The following EMCN variants were observed in gnomAD, a reference collection of about 807,000 sequenced individuals.
EMCN encodes the protein MUC-14.
Under a neutral mutation model 38.4 loss-of-function variants are expected in EMCN, and 37 were observed. That is an observed-to-expected ratio of 0.96 (90% CI 0.74 to 1.27). The LOEUF is 1.27. Among genes scored for constraint, EMCN ranks in the 50% most tolerant of loss-of-function variants. The pLI, the probability that EMCN is intolerant of heterozygous loss-of-function variation, is 0.00. For synonymous variants in EMCN, 95 were observed against 100.8 expected (o/e 0.94, Z 0.35); for missense variants, 318 against 302.8 (o/e 1.05, Z -0.37).
chr4:100,435,779 AG>A (rs1727335750), intron 5 of EMCN, among the ~76,000 whole-genome samples: 1 of 152,346 alleles, frequency 6.6e-6, no homozygotes, highest in African/African-American at 2.4e-5. Flanking sequence ...CAATGGGGAA[AG>A]GATTTTCTAT....
chr4:100,463,785 TATA>T (rs1367634734), intron 4 of EMCN, among the ~76,000 whole-genome samples: 2 of 152,144 alleles, frequency 1.3e-5, no homozygotes, highest in Non-Finnish European at 2.9e-5. Context: ...TTTCATTGAG[TATA>T]ATGTTTTTGA....
At chr4:100,511,321 GC>G (rs1454792698) in intron 1 of EMCN, among the ~76,000 whole-genome samples, 1 of 152,092 alleles carries the variant, frequency 6.6e-6, no homozygotes, top group Non-Finnish European at 1.5e-5. Context: ...AAAGTGCCTG[GC>G]ACAATAAATG....
rs76054431 is a variant in EMCN, at chr4:100,507,675, C to A, written c.64+10176G>T. On this transcript the variant is annotated intron_variant, in intron 1 of 11. Coordinates refer to ENST00000296420, the MANE Select transcript of EMCN (RefSeq NM_016242.4). ...CCATCTCCTCTTCCCAGCTTCCCAG[C>A]TGTCTTAGACAGTTTCTGTCTTTCT... Among the ~76,000 whole-genome samples the A allele has an allele frequency of 2.9e-3, 445 of 152,290 alleles. 5 individuals are homozygous for A. The highest frequency in any genetic ancestry group is 0.01 in the African/African-American group (427 of 41,558).
intron 5 of EMCN, among the ~76,000 whole-genome samples, chr4:100,424,302 C>T (rs1006101115): frequency 2.0e-5 from 3 of 152,018 alleles, no homozygotes; most frequent in African/African-American, 7.2e-5. Flanking sequence ...TAAATCATGC[C>T]TGTTTGCCTT....
intron 3 of EMCN, 100 bp downstream of exon 3, chr4:100,474,938 A>T (rs999393202): frequency 2.4e-5 from 12 of 497,114 alleles, no homozygotes; most frequent in African/African-American, 2.4e-4. Flanking sequence ...ATCTTGTTAA[A>T]ATACTAAAAA....
At chr4:100,500,984 T>C (rs1281186068) in intron 1 of EMCN, among the ~76,000 whole-genome samples, 1 of 152,080 alleles carries the variant, frequency 6.6e-6, no homozygotes, top group East Asian at 1.9e-4. Flanking sequence ...GTCAGTTATA[T>C]ATACACAGCA....
chr4:100,487,600 G>C (rs1728973844), intron 1 of EMCN, among the ~76,000 whole-genome samples: 2 of 152,216 alleles, frequency 1.3e-5, no homozygotes, highest in African/African-American at 4.8e-5. Context: ...GATGGAGATA[G>C]CTGAATCATG....
At chr4:100,464,653 T>A (rs1430112599) in intron 4 of EMCN, among the ~76,000 whole-genome samples, 1 of 152,118 alleles carries the variant, frequency 6.6e-6, no homozygotes, top group Non-Finnish European at 1.5e-5. Context: ...ATTTTACTAA[T>A]ATGTTGTATT....
At chr4:100,414,739 AT>A (rs1726665887) in intron 10 of EMCN, among the ~76,000 whole-genome samples, 1 of 152,080 alleles carries the variant, frequency 6.6e-6, no homozygotes, top group Non-Finnish European at 1.5e-5. Flanking sequence ...AGCCTTTAAT[AT>A]CTTGCTCTTG....
At chr4:100,498,303 G>A (rs78970354) in intron 1 of EMCN, among the ~76,000 whole-genome samples, 3,256 of 151,900 alleles carry the variant, frequency 0.021, 115 homozygotes, top group African/African-American at 0.074. Flanking sequence ...AATTTGTTTC[G>A]CTAGATGAAA....
At chr4:100,414,571 T>A (rs1307484552) in intron 10 of EMCN, among the ~76,000 whole-genome samples, 4 of 152,014 alleles carry the variant, frequency 2.6e-5, no homozygotes, top group Non-Finnish European at 5.9e-5. Context: ...GTGGAAGAGA[T>A]ACAAGAGCAA....
chr4:100,465,561 A>G, intron 3 of EMCN, 22 bp from the exon 4 acceptor site: 2 of 1,342,548 alleles, frequency 1.5e-6, no homozygotes, highest in Non-Finnish European at 1.0e-6. Context: ...ATGAACAGTC[A>G]TCAGGAGTAT....
chr4:100,461,895 G>A (rs1299115530), intron 4 of EMCN, among the ~76,000 whole-genome samples: 14 of 152,284 alleles, frequency 9.2e-5, no homozygotes, highest in Non-Finnish European at 2.9e-5. Flanking sequence ...ACCAACAGTA[G>A]ATTGTTTTGT....
chr4:100,410,221 G>T, intron 11 of EMCN, 61 bp downstream of exon 11: 1 of 1,126,468 alleles, frequency 8.9e-7, no homozygotes, highest in Non-Finnish European at 1.4e-6. Flanking sequence ...AATCTAAGCT[G>T]CACCAGGCTA....
rs1245324079 is a variant in EMCN at position 100,504,766 on chromosome 4, AG to A, written c.64+13084del. 2.0e-5 allele frequency among the ~76,000 whole-genome samples: 3 copies of A among 152,218 alleles called. No individual in the cohort carries two copies. The South Asian group carries it at 6.2e-4, about 32-fold the overall frequency. ...TGCCAAGGAAAAACACCCGCTACTT[AG>A]CAGACTGAGAAAGGGAATCTCCCTT... On this transcript the variant is annotated intron_variant, in intron 1 of 11. Transcript: ENST00000296420.
intron 2 of EMCN, among the ~76,000 whole-genome samples, chr4:100,475,647 C>G (rs1036740486): frequency 7.2e-6 from 1 of 139,320 alleles, no homozygotes; most frequent in Admixed American, 7.4e-5. Context: ...AGGGCAGTAT[C>G]CAATTCTAGT....
intron 3 of EMCN, among the ~76,000 whole-genome samples, chr4:100,469,365 C>A (rs1216281954): frequency 1.3e-5 from 2 of 152,020 alleles, no homozygotes; most frequent in African/African-American, 4.8e-5. Flanking sequence ...AGGGTATGGC[C>A]TCAGCAATTA....
chr4:100,454,952 A>G (rs983508431), intron 4 of EMCN, among the ~76,000 whole-genome samples: 3 of 152,154 alleles, frequency 2.0e-5, no homozygotes, highest in African/African-American at 7.2e-5. Context: ...TTTTCTGAAT[A>G]CTGCACATAT....
chr4:100,474,898 G>A (rs1728590763), intron 3 of EMCN, 140 bp downstream of exon 3: 2 of 395,108 alleles, frequency 5.1e-6, no homozygotes, highest in Non-Finnish European at 9.2e-6. Flanking sequence ...ATTAAAATGT[G>A]CTGAAATTAA....
Sources: allele counts gnomAD v4.1 joint callset (sites outside exome capture counted in the v4.1 genomes callset), GRCh38; gene constraint gnomAD v4.1.1; transcripts MANE v1.5; gene names NCBI Gene and HGNC (gene_info 2026-07-23, HGNC 2026-07-21).